Variants in IMMP2L observed in about 807,000 individuals in gnomAD.
IMMP2L encodes the protein inner mitochondrial membrane peptidase subunit 2.
A neutral mutation model predicts 19.3 loss-of-function variants in IMMP2L; 18 were observed. That is an observed-to-expected ratio of 0.93 (90% CI 0.64 to 1.38). IMMP2L has a LOEUF of 1.38. Among genes scored for constraint, IMMP2L ranks in the 40% most tolerant of loss-of-function variants. The pLI is 0.00. For missense variants in IMMP2L, 233 were observed against 218.2 expected, an observed-to-expected ratio of 1.07 and a Z score of -0.43; for synonymous variants, 76 against 73.0, an observed-to-expected ratio of 1.04 and a Z score of -0.21.
intron 2 of IMMP2L, among the ~76,000 whole-genome samples, chr7:111,508,736 G>A (rs1436676036): frequency 6.6e-6 from 1 of 152,146 alleles, no homozygotes; most frequent in African/African-American, 2.4e-5. Context: ...AACCAATTAG[G>A]AAAGGGTAGG....
At chr7:110,700,529 T>C (rs965362116) in intron 5 of IMMP2L, among the ~76,000 whole-genome samples, 2 of 152,186 alleles carry the variant, frequency 1.3e-5, no homozygotes, top group Admixed American at 1.3e-4. Flanking sequence ...AGTCAGATAT[T>C]ACCCATAGCC....
At chr7:110,986,689 G>GT (rs1421523183) in intron 3 of IMMP2L, among the ~76,000 whole-genome samples, 1 of 152,052 alleles carries the variant, frequency 6.6e-6, no homozygotes, top group African/African-American at 2.4e-5. Context: ...GGGAAATTTA[G>GT]TTTTGATTGT....
intron 5 of IMMP2L, among the ~76,000 whole-genome samples, chr7:110,753,257 C>T (rs1797838596): frequency 6.6e-6 from 1 of 151,954 alleles, no homozygotes; most frequent in African/African-American, 2.4e-5. Context: ...AAACTACCTA[C>T]TTAAATAGAA....
chr7:110,874,148 C>T (rs550355045), intron 5 of IMMP2L, among the ~76,000 whole-genome samples: 1 of 152,160 alleles, frequency 6.6e-6, no homozygotes, highest in African/African-American at 2.4e-5. Context: ...TATAAAAGCA[C>T]ATTAAAGCAG....
chr7:111,044,879 A>G (rs2129571617), intron 3 of IMMP2L, among the ~76,000 whole-genome samples: 1 of 152,320 alleles, frequency 6.6e-6, no homozygotes, highest in South Asian at 2.1e-4. Context: ...AGACTATTTG[A>G]TTATAATTTA....
chr7:111,200,201 A>T (rs994316208), intron 3 of IMMP2L, among the ~76,000 whole-genome samples: 3 of 152,098 alleles, frequency 2.0e-5, no homozygotes, highest in African/African-American at 7.2e-5. Flanking sequence ...GCCACACAAA[A>T]CTAACCAAAG....
intron 3 of IMMP2L, among the ~76,000 whole-genome samples, chr7:111,259,271 C>T (rs901340686): frequency 6.6e-6 from 1 of 152,088 alleles, no homozygotes; most frequent in Non-Finnish European, 1.5e-5. Context: ...TAGGACTTTA[C>T]TGCACTACTG....
chr7:110,887,598 A>G (rs1810351115), intron 4 of IMMP2L, among the ~76,000 whole-genome samples: 1 of 152,048 alleles, frequency 6.6e-6, no homozygotes, highest in African/African-American at 2.4e-5. Context: ...TAGCAAAAAA[A>G]AAAAAAATAA....
intron 1 of IMMP2L, among the ~76,000 whole-genome samples, chr7:111,550,405 A>G (rs1030993890): frequency 2.0e-5 from 3 of 152,150 alleles, no homozygotes; most frequent in Non-Finnish European, 4.4e-5. Flanking sequence ...CAAACCCACA[A>G]AATGCACTAC....
At chr7:110,666,166 C>T (rs1791438285) in intron 5 of IMMP2L, among the ~76,000 whole-genome samples, 1 of 152,124 alleles carries the variant, frequency 6.6e-6, no homozygotes, top group Admixed American at 6.5e-5. Context: ...TATTTTAGCG[C>T]TACCTTACTT....
chr7:110,758,208 G>A lies in IMMP2L; in HGVS notation c.409-94487C>T, dbSNP rs1453497980. ...TTGGAGTCATTATTAACACTGAGAA[G>A]ACTGGTTTCTGTACAGTGATGTGGG... is the stretch of plus-strand genomic sequence containing the variant. On this transcript the variant is annotated intron_variant, in intron 5 of 5. Transcript: ENST00000405709. The surrounding 1 kb of genome is among the most constrained non-coding windows in gnomAD (Gnocchi z 4.6). 6.6e-6 allele frequency among the ~76,000 whole-genome samples: 1 copy of A among 152,028 alleles called. No individual in the cohort carries two copies. The highest frequency in any genetic ancestry group is 1.5e-5 in the Non-Finnish European group (1 of 68,000).
chr7:110,882,830 T>A (rs1393080212), intron 5 of IMMP2L, among the ~76,000 whole-genome samples: 13 of 152,002 alleles, frequency 8.6e-5, no homozygotes, highest in African/African-American at 2.9e-4. Flanking sequence ...CAGGTATGAC[T>A]AGATACTAAA....
intron 3 of IMMP2L, among the ~76,000 whole-genome samples, chr7:111,002,021 G>C (rs1823757516): frequency 6.6e-6 from 1 of 151,392 alleles, no homozygotes; most frequent in Non-Finnish European, 1.5e-5. Context: ...TTAAACTTCG[G>C]CACCCACTGA....
intron 2 of IMMP2L, among the ~76,000 whole-genome samples, chr7:111,499,626 A>T (rs1843955072): frequency 6.6e-6 from 1 of 152,188 alleles, no homozygotes; most frequent in Non-Finnish European, 1.5e-5. Flanking sequence ...AGCAATGAAA[A>T]AAGCATAGAA....
At chr7:110,955,993 T>G (rs1818317781) in intron 4 of IMMP2L, among the ~76,000 whole-genome samples, 1 of 151,992 alleles carries the variant, frequency 6.6e-6, no homozygotes, top group South Asian at 2.1e-4. Flanking sequence ...CTCAATTTAG[T>G]TCTGTTTTTC....
intron 5 of IMMP2L, among the ~76,000 whole-genome samples, chr7:110,815,998 C>T (rs1392724320): frequency 6.6e-6 from 1 of 151,892 alleles, no homozygotes; most frequent in Admixed American, 6.6e-5. Context: ...TATTTCTTGC[C>T]TTCTGCTAGC....
chr7:110,724,783 GAACTA>G (rs1267590645), intron 5 of IMMP2L, among the ~76,000 whole-genome samples: 4 of 152,016 alleles, frequency 2.6e-5, no homozygotes, highest in African/African-American at 7.2e-5. Context: ...AAGTTCACAA[GAACTA>G]AACTAAACCT....
At chr7:111,054,405 G>T (rs1793299805) in intron 3 of IMMP2L, among the ~76,000 whole-genome samples, 1 of 152,142 alleles carries the variant, frequency 6.6e-6, no homozygotes, top group South Asian at 2.1e-4. Flanking sequence ...TGGCATCAGG[G>T]CACACCAAAT....
intron 3 of IMMP2L, among the ~76,000 whole-genome samples, chr7:111,378,245 A>C (rs1246860472): frequency 6.6e-6 from 1 of 151,984 alleles, no homozygotes; most frequent in Non-Finnish European, 1.5e-5. Flanking sequence ...AATTCAATTC[A>C]ATTTTATTAA....
Sources: gnomAD v4.1 joint callset for allele counts (sites outside exome capture counted in the v4.1 genomes callset) on GRCh38, gnomAD v4.1.1 for gene constraint, Gnocchi (gnomAD v3.1) non-coding constraint, MANE v1.5 for transcripts, NCBI Gene and HGNC (gene_info 2026-07-23, HGNC 2026-07-21) for gene names.